The following STARD13 variants were observed in gnomAD, a reference collection of about 807,000 sequenced individuals.
STARD13 encodes StAR related lipid transfer domain containing 13, also known as stAR-related lipid transfer protein 13.
A neutral mutation model predicts 106.4 loss-of-function variants in STARD13; 62 were observed. The observed-to-expected ratio is 0.58, with a 90% CI of 0.48 to 0.72. The LOEUF is 0.72. STARD13 is among the 30% of genes least tolerant of loss of function. The pLI is 0.00. For synonymous variants in STARD13, 565 were observed against 553.0 expected, an observed-to-expected ratio of 1.02 and a Z score of -0.31; for missense variants, 1,387 against 1,424.0, an observed-to-expected ratio of 0.97 and a Z score of 0.42.
the STARD13 span, among the ~76,000 whole-genome samples, chr13:33,403,032 G>A: frequency 6.6e-6 from 1 of 152,244 alleles, no homozygotes; most frequent in African/African-American, 2.4e-5. Context: ...GGTCCATTGA[G>A]CTGGTTAACA....
chr13:33,545,649 G>A, the STARD13 span, among the ~76,000 whole-genome samples: 1 of 152,212 alleles, frequency 6.6e-6, no homozygotes, highest in Admixed American at 6.5e-5. Context: ...CTGACACAGG[G>A]CTTGATGCCC....
intron 7 of STARD13, 121 bp from the exon 8 acceptor site, chr13:33,118,384 C>G: frequency 1.3e-6 from 1 of 769,090 alleles, no homozygotes; most frequent in Non-Finnish European, 2.3e-6. Context: ...TGCTGAACTA[C>G]TAGTATAGCT....
At chr13:33,610,800 A>G in the STARD13 span, among the ~76,000 whole-genome samples, 6,165 of 152,342 alleles carry the variant, frequency 0.04, 150 homozygotes, top group East Asian at 0.089. Flanking sequence ...CAGCACGCCC[A>G]GCCCACCGCG....
the STARD13 span, among the ~76,000 whole-genome samples, chr13:33,520,955 T>C: frequency 6.6e-6 from 1 of 152,134 alleles, no homozygotes; most frequent in Non-Finnish European, 1.5e-5. Flanking sequence ...TCATTCTTAC[T>C]TAGCTTCCCC....
chr13:33,183,678 G>A (rs11147512), intron 1 of STARD13, among the ~76,000 whole-genome samples: 33,396 of 147,658 alleles, frequency 0.23, 4,605 homozygotes, highest in South Asian at 0.39. Context: ...AGTCAGATTT[G>A]GTGAGGGGAG....
At chr13:33,621,958 C>A in the STARD13 span, among the ~76,000 whole-genome samples, 1 of 151,572 alleles carries the variant, frequency 6.6e-6, no homozygotes, top group African/African-American at 2.4e-5. Context: ...GTGCCCACCA[C>A]CACGCCCGGC....
intron 1 of STARD13, among the ~76,000 whole-genome samples, chr13:33,213,902 T>A (rs147059017): frequency 1.7e-3 from 253 of 152,360 alleles, no homozygotes; most frequent in Non-Finnish European, 2.8e-3. Flanking sequence ...TTAATTAAGA[T>A]GCTAATGGGC....
At chr13:33,234,617 T>A (rs1594142965) in intron 1 of STARD13, among the ~76,000 whole-genome samples, 1 of 152,360 alleles carries the variant, frequency 6.6e-6, no homozygotes, top group East Asian at 1.9e-4. Flanking sequence ...TTATAACTTT[T>A]TTTGATGAAA....
the STARD13 span, among the ~76,000 whole-genome samples, chr13:33,358,176 T>C: frequency 4.6e-5 from 7 of 152,202 alleles, no homozygotes; most frequent in Non-Finnish European, 7.3e-5. Flanking sequence ...AGCCCACCAG[T>C]GCTGCGCTCG....
At chr13:33,617,372 C>T in the STARD13 span, among the ~76,000 whole-genome samples, 6 of 152,166 alleles carry the variant, frequency 3.9e-5, no homozygotes, top group African/African-American at 1.4e-4. Context: ...TCTGAGACTA[C>T]TTAATAGTTG....
the STARD13 span, among the ~76,000 whole-genome samples, chr13:33,399,585 C>T: frequency 9.3e-5 from 14 of 150,258 alleles, no homozygotes; most frequent in South Asian, 1.5e-3. Flanking sequence ...CCTGTAGTCC[C>T]GGCTACTTGG....
In STARD13 at chr13:33,285,319, C is replaced by G. The variant is rs78705121; in HGVS notation, c.169+151G>C. 2.0e-3 allele frequency: 1,701 copies of G among 839,732 alleles called. 18 individuals are homozygous for G. In the African/African-American group the frequency reaches 0.025, roughly 12 times the overall value. The allele number at this position is 839,732 out of a possible 1,614,324, so 52.0% of individuals were successfully genotyped here. On this transcript the variant is annotated intron_variant, in intron 1 of 13. Coordinates refer to ENST00000336934, the MANE Select transcript of STARD13 (RefSeq NM_178006.4). ...CTGTCCTGTTTGCTGAAAACTGCAG[C>G]CTAAAGTTATTTTTCAAAGTTACGG...
intron 1 of STARD13, among the ~76,000 whole-genome samples, chr13:33,230,423 C>A (rs1027489926): frequency 6.6e-6 from 1 of 152,218 alleles, no homozygotes; most frequent in African/African-American, 2.4e-5. Flanking sequence ...CTGGAGGCAG[C>A]CTGCCTGAAC....
At chr13:33,313,305 T>A (rs1218053639) in intron 1 of STARD13, among the ~76,000 whole-genome samples, 1 of 152,246 alleles carries the variant, frequency 6.6e-6, no homozygotes, top group Non-Finnish European at 1.5e-5. Context: ...GCTTGCTTTA[T>A]TAATTAAAAA....
intron 1 of STARD13, among the ~76,000 whole-genome samples, chr13:33,331,691 C>A (rs2077838618): frequency 6.6e-6 from 1 of 152,016 alleles, no homozygotes; most frequent in Non-Finnish European, 1.5e-5. Context: ...TACTACCATA[C>A]TTGTCCTAAG....
upstream of STARD13, among the ~76,000 whole-genome samples, chr13:33,289,176 C>T (rs991329084): frequency 1.3e-5 from 2 of 152,158 alleles, no homozygotes; most frequent in Admixed American, 1.3e-4. Context: ...CTCTCTAATT[C>T]CTTTAAAAAT....
chr13:33,552,917 G>T, the STARD13 span, among the ~76,000 whole-genome samples: 2 of 151,962 alleles, frequency 1.3e-5, no homozygotes, highest in Non-Finnish European at 1.5e-5. Flanking sequence ...AAAATTCACA[G>T]AATATTTTGA....
the STARD13 span, among the ~76,000 whole-genome samples, chr13:33,529,816 G>A: frequency 6.6e-6 from 1 of 152,162 alleles, no homozygotes; most frequent in Non-Finnish European, 1.5e-5. Context: ...AATACAGCAT[G>A]TTCAAAGAAT....
the STARD13 span, among the ~76,000 whole-genome samples, chr13:33,434,884 G>GAGAAGGAAAGAAGGAAGGAAGGAA: frequency 4.9e-5 from 6 of 122,342 alleles, no homozygotes; most frequent in East Asian, 6.8e-4. Context: ...AAGGAAGGGA[G>GAGAAGGAAAGAAGGAAGGAAGGAA]GGAAGGAAAG....
Sources: gnomAD v4.1 joint callset for allele counts (sites outside exome capture counted in the v4.1 genomes callset) on GRCh38, gnomAD v4.1.1 for gene constraint, MANE v1.5 for transcripts, NCBI Gene and HGNC (gene_info 2026-07-23, HGNC 2026-07-21) for gene names.